The following LYPLAL1 variants were observed in gnomAD, a reference collection of about 807,000 sequenced individuals.
LYPLAL1 encodes lysophospholipase like 1.
In LYPLAL1, 23 loss-of-function variants were observed where a neutral mutation model predicts 19.7. That is an observed-to-expected ratio of 1.17 (90% CI 0.84 to 1.65). LYPLAL1 has a LOEUF of 1.65. Ranked by LOEUF, LYPLAL1 falls within the 40% of genes most tolerant of loss-of-function variation. The pLI is 0.00. For synonymous variants in LYPLAL1, 119 were observed against 96.3 expected (o/e 1.24, Z -1.38); for missense variants, 355 against 279.4 (o/e 1.27, Z -1.93).
intron 2 of LYPLAL1, among the ~76,000 whole-genome samples, chr1:219,191,165 A>G (rs1657151909): frequency 6.6e-6 from 1 of 151,628 alleles, no homozygotes; most frequent in African/African-American, 2.4e-5. Flanking sequence ...TTCCTGTAGA[A>G]AGGTAAATTT....
chr1:219,308,960 G>C, the LYPLAL1 span, among the ~76,000 whole-genome samples: 2 of 152,210 alleles, frequency 1.3e-5, no homozygotes, highest in African/African-American at 4.8e-5. Context: ...ACCTGGGAAA[G>C]CTGCAGATAC....
chr1:219,376,644 G>C, the LYPLAL1 span, among the ~76,000 whole-genome samples: 1 of 152,120 alleles, frequency 6.6e-6, no homozygotes, highest in African/African-American at 2.4e-5. Flanking sequence ...ATTTAAAAAT[G>C]GGCAAAGGGT....
intron 2 of LYPLAL1, among the ~76,000 whole-genome samples, chr1:219,188,331 C>T (rs1038896100): frequency 3.3e-5 from 5 of 151,926 alleles, no homozygotes; most frequent in African/African-American, 1.2e-4. Flanking sequence ...GGGAGGTATA[C>T]TTTCAGTTGG....
chr1:219,408,921 C>T, the LYPLAL1 span, among the ~76,000 whole-genome samples: 2 of 152,096 alleles, frequency 1.3e-5, no homozygotes, highest in Non-Finnish European at 2.9e-5. Context: ...GTGTTTTTAT[C>T]CATTCAGCAG....
chr1:219,256,395 G>T, the LYPLAL1 span, among the ~76,000 whole-genome samples: 7 of 151,520 alleles, frequency 4.6e-5, no homozygotes, highest in East Asian at 1.4e-3. Flanking sequence ...ATGTAATAAT[G>T]ATCCCTTTTT....
the LYPLAL1 span, among the ~76,000 whole-genome samples, chr1:219,329,344 C>G: frequency 1.3e-5 from 2 of 152,266 alleles, no homozygotes; most frequent in African/African-American, 4.8e-5. Flanking sequence ...AATAAATGCT[C>G]TTTGATTCGT....
chr1:219,433,410 A>G, the LYPLAL1 span, among the ~76,000 whole-genome samples: 1 of 152,138 alleles, frequency 6.6e-6, no homozygotes, highest in African/African-American at 2.4e-5. Flanking sequence ...ACTGGCTTTT[A>G]TTTATTTTGT....
chr1:219,208,350 A>AT (rs1358308869), intron 3 of LYPLAL1, among the ~76,000 whole-genome samples: 1 of 152,140 alleles, frequency 6.6e-6, no homozygotes, highest in Non-Finnish European at 1.5e-5. Flanking sequence ...TTTACTATAA[A>AT]TGAAATCCAG....
chr1:219,339,274 A>G, the LYPLAL1 span, among the ~76,000 whole-genome samples: 1 of 152,026 alleles, frequency 6.6e-6, no homozygotes, highest in African/African-American at 2.4e-5. Context: ...TGACATCCCT[A>G]TGCAATATGG....
In LYPLAL1 at chr1:219,179,263, C is replaced by G; in HGVS notation, c.191+17C>G. 1 of 1,533,694 alleles carries G rather than the reference C, an allele frequency of 6.5e-7. No individual in the cohort carries two copies. Among genetic ancestry groups the G allele is most frequent in the East Asian group, 2.3e-5 (1 of 44,304 alleles). On this transcript the variant is annotated intron_variant, in intron 2 of 4. Coordinates refer to ENST00000366928, the MANE Select transcript of LYPLAL1 (RefSeq NM_138794.5). Reference sequence around the variant, plus strand: ...TCCTCCCAGGTATGCAGTAATTTATCTCACTTGTCAATATAACTCTGTGGC... The same window carrying G: ...TCCTCCCAGGTATGCAGTAATTTATGTCACTTGTCAATATAACTCTGTGGC...
chr1:219,401,145 T>G, the LYPLAL1 span, among the ~76,000 whole-genome samples: 1 of 151,998 alleles, frequency 6.6e-6, no homozygotes, highest in Admixed American at 6.6e-5. Flanking sequence ...TCCAAAAACA[T>G]TTTCAATAAT....
rs777824016 is a variant in LYPLAL1, at chr1:219,210,656, C to G, written c.477+9C>G. Reference sequence around the variant, plus strand: ...CATCTGCTGTTTACCAGGTAAGTTCCAGATTTAAAAAAAAATGAAAAAAAT... The same window carrying G: ...CATCTGCTGTTTACCAGGTAAGTTCGAGATTTAAAAAAAAATGAAAAAAAT... On this transcript the variant is annotated intron_variant, in intron 4 of 4. Coordinates refer to ENST00000366928, the MANE Select transcript of LYPLAL1 (RefSeq NM_138794.5). 24 of 1,588,822 alleles carry G rather than the reference C, an allele frequency of 1.5e-5. No individual in the cohort carries two copies. Among genetic ancestry groups the G allele is most frequent in the Non-Finnish European group, 1.8e-5 (21 of 1,170,792 alleles).
chr1:219,179,236 G>C lies in LYPLAL1; in HGVS notation c.181G>C (p.Ala61Pro). Residue 61 changes from alanine (A) to proline (P), a missense_variant, in exon 2 of 5, where the codon GCT becomes CCT. Transcript: ENST00000366928. ...ACACATAAAAATTATTTATCCAACA[G>C]CTCCTCCCAGGTATGCAGTAATTTA... ...FQHIKIIYPT[A>P]PPRSYTPMKG... 1 of 1,606,554 alleles carries C rather than the reference G, an allele frequency of 6.2e-7. No individual in the cohort carries two copies. The highest frequency in any genetic ancestry group is 2.2e-5 in the East Asian group (1 of 44,640).
At chr1:219,415,225 G>A in the LYPLAL1 span, among the ~76,000 whole-genome samples, 1 of 152,126 alleles carries the variant, frequency 6.6e-6, no homozygotes, top group Non-Finnish European at 1.5e-5. Flanking sequence ...AATAGAAAAA[G>A]ACATAGAACC....
the LYPLAL1 span, among the ~76,000 whole-genome samples, chr1:219,382,861 G>A: frequency 6.8e-6 from 1 of 147,734 alleles, no homozygotes; most frequent in Admixed American, 6.7e-5. Context: ...AAAAAGTTTT[G>A]TTTTGTTTTT....
chr1:219,180,522 G>T (rs1349693257), intron 2 of LYPLAL1, among the ~76,000 whole-genome samples: 1 of 152,066 alleles, frequency 6.6e-6, no homozygotes, highest in Non-Finnish European at 1.5e-5. Context: ...TTAAAAGTTT[G>T]GTAATCTAGT....
chr1:219,397,516 A>G, the LYPLAL1 span, among the ~76,000 whole-genome samples: 18 of 151,980 alleles, frequency 1.2e-4, no homozygotes, highest in African/African-American at 4.4e-4. Context: ...CCAGTTTGCC[A>G]CTCTGTGCCC....
At chr1:219,440,099 C>T in the LYPLAL1 span, among the ~76,000 whole-genome samples, 8 of 149,812 alleles carry the variant, frequency 5.3e-5, no homozygotes, top group African/African-American at 2.0e-4. Context: ...CACACACTCT[C>T]ACTCTCTTTT....
the LYPLAL1 span, among the ~76,000 whole-genome samples, chr1:219,226,117 C>T: frequency 1.3e-5 from 2 of 152,212 alleles, no homozygotes; most frequent in East Asian, 3.9e-4. Context: ...GGTCCTGTAC[C>T]CACTACATAT....
Sources: allele counts gnomAD v4.1 joint callset (sites outside exome capture counted in the v4.1 genomes callset), GRCh38; gene constraint gnomAD v4.1.1; transcripts MANE v1.5; gene names NCBI Gene and HGNC (gene_info 2026-07-23, HGNC 2026-07-21).